The following CCSER1 variants were observed in gnomAD, a reference collection of about 807,000 sequenced individuals.
CCSER1 encodes the protein serine-rich coiled-coil domain-containing protein 1.
In CCSER1, 41 loss-of-function variants were observed where a neutral mutation model predicts 82.0. That is an observed-to-expected ratio of 0.50 (90% confidence interval 0.39 to 0.65). CCSER1 has a LOEUF of 0.65. CCSER1 is among the 30% of genes least tolerant of loss of function. CCSER1 has a pLI of 0.00. For missense variants in CCSER1, 1,119 were observed against 1,064.2 expected (o/e 1.05, Z -0.72); for synonymous variants, 414 against 383.9 (o/e 1.08, Z -0.92).
intron 10 of CCSER1, among the ~76,000 whole-genome samples, chr4:91,437,030 T>C (rs561884935): frequency 6.6e-6 from 1 of 152,278 alleles, no homozygotes; most frequent in Admixed American, 6.5e-5. Flanking sequence ...GCCTGCTAAG[T>C]CAGGTGGGTA....
chr4:91,562,289 G>A (rs150143336), intron 10 of CCSER1, among the ~76,000 whole-genome samples: 4 of 151,258 alleles, frequency 2.6e-5, no homozygotes, highest in African/African-American at 2.4e-5. Flanking sequence ...TTTAAAATTG[G>A]ATTATTGTAA....
intron 3 of CCSER1, among the ~76,000 whole-genome samples, chr4:90,315,763 A>G (rs1346573913): frequency 6.6e-6 from 1 of 152,230 alleles, no homozygotes; most frequent in African/African-American, 2.4e-5. Context: ...ATCACCTCCC[A>G]AAGTGCTGGG....
chr4:91,237,784 G>A (rs1739132708), intron 10 of CCSER1, among the ~76,000 whole-genome samples: 1 of 152,128 alleles, frequency 6.6e-6, no homozygotes, highest in Admixed American at 6.6e-5. Context: ...ATTTTAAGTG[G>A]TTCACTGTAA....
intron 9 of CCSER1, among the ~76,000 whole-genome samples, chr4:91,007,019 A>G (rs1447964178): frequency 1.3e-5 from 2 of 152,186 alleles, no homozygotes; most frequent in East Asian, 1.9e-4. Flanking sequence ...GCTTTTCTGC[A>G]TTTTTGAAAT....
chr4:91,129,401 G>A (rs1403412396), intron 10 of CCSER1, among the ~76,000 whole-genome samples: 1 of 151,956 alleles, frequency 6.6e-6, no homozygotes, highest in Non-Finnish European at 1.5e-5. Flanking sequence ...AAGAAGTTGG[G>A]GAAAGAGCTA....
intron 8 of CCSER1, among the ~76,000 whole-genome samples, chr4:90,909,920 T>A (rs1726071800): frequency 6.6e-6 from 1 of 152,186 alleles, no homozygotes; most frequent in African/African-American, 2.4e-5. Context: ...ATTGTATTAG[T>A]TCATTTTCAC....
intron 1 of CCSER1, among the ~76,000 whole-genome samples, chr4:90,288,062 T>C (rs1233144792): frequency 6.6e-6 from 1 of 151,930 alleles, no homozygotes; most frequent in African/African-American, 2.4e-5. Flanking sequence ...ATTACCAAGT[T>C]TGTTATCTTG....
chr4:91,553,799 A>C (rs575332551), intron 10 of CCSER1, among the ~76,000 whole-genome samples: 1 of 150,750 alleles, frequency 6.6e-6, no homozygotes, highest in Non-Finnish European at 1.5e-5. Flanking sequence ...TTATTGATTT[A>C]TATATCCACT....
chr4:90,645,320 G>A (rs538694053), intron 6 of CCSER1, among the ~76,000 whole-genome samples: 1 of 152,186 alleles, frequency 6.6e-6, no homozygotes, highest in South Asian at 2.1e-4. Flanking sequence ...AAAAATGTTC[G>A]ATGAAACAGA....
chr4:90,975,804 G>A (rs72884708), intron 9 of CCSER1, among the ~76,000 whole-genome samples: 1 of 150,998 alleles, frequency 6.6e-6, no homozygotes, highest in Admixed American at 6.6e-5. Context: ...ATGTATATTT[G>A]TAACAATATT....
At chr4:90,369,333 AG>A (rs1355910144) in intron 3 of CCSER1, among the ~76,000 whole-genome samples, 6 of 125,200 alleles carry the variant, frequency 4.8e-5, no homozygotes, top group Admixed American at 4.7e-4. Flanking sequence ...GGAGGAAGAA[AG>A]AAGAAGAAGA....
intron 6 of CCSER1, among the ~76,000 whole-genome samples, chr4:90,639,976 C>G (rs1004435129): frequency 6.6e-6 from 1 of 151,962 alleles, no homozygotes; most frequent in Admixed American, 6.6e-5. Context: ...ATTGGAAAAT[C>G]AAGAGAAAGA....
intron 10 of CCSER1, among the ~76,000 whole-genome samples, chr4:91,388,517 A>G (rs192442812): frequency 1.1e-3 from 174 of 152,204 alleles, no homozygotes; most frequent in African/African-American, 4.0e-3. Context: ...TTACATTCCC[A>G]TCACCAATGA....
intron 10 of CCSER1, among the ~76,000 whole-genome samples, chr4:91,461,803 A>G (rs1468426634): frequency 6.6e-6 from 1 of 152,180 alleles, no homozygotes; most frequent in Non-Finnish European, 1.5e-5. Flanking sequence ...TTTTTGTACA[A>G]ATGATTAAGA....
chr4:90,417,714 G>C (rs561767735), intron 4 of CCSER1, among the ~76,000 whole-genome samples: 1 of 152,182 alleles, frequency 6.6e-6, no homozygotes, highest in African/African-American at 2.4e-5. Flanking sequence ...TGATGAACAA[G>C]CAATATAAAA....
At chr4:90,216,907 G>A (rs116830477) in intron 1 of CCSER1, among the ~76,000 whole-genome samples, 1,778 of 152,152 alleles carry the variant, frequency 0.012, 22 homozygotes, top group African/African-American at 0.034. Context: ...TGATTCTTCC[G>A]ACCCTTGAAC....
chr4:91,176,544 A>T (rs551100151), intron 10 of CCSER1, among the ~76,000 whole-genome samples: 59 of 152,256 alleles, frequency 3.9e-4, no homozygotes, highest in African/African-American at 1.4e-3. Context: ...CATCCCTTGT[A>T]AGTTGGATTC....
intron 1 of CCSER1, among the ~76,000 whole-genome samples, chr4:90,245,937 G>A (rs1560870011): frequency 6.6e-6 from 1 of 152,102 alleles, no homozygotes; most frequent in Non-Finnish European, 1.5e-5. Context: ...TTTCTCCTTA[G>A]GGAATAACTA....
At chr4:91,515,776 A>G (rs1386581849) in intron 10 of CCSER1, among the ~76,000 whole-genome samples, 1 of 151,970 alleles carries the variant, frequency 6.6e-6, no homozygotes, top group Non-Finnish European at 1.5e-5. Flanking sequence ...AGGAATCACC[A>G]CATTGCCTTC....
Sources: gnomAD v4.1 joint callset for allele counts (sites outside exome capture counted in the v4.1 genomes callset) on GRCh38, gnomAD v4.1.1 for gene constraint, MANE v1.5 for transcripts, NCBI Gene and HGNC (gene_info 2026-07-23, HGNC 2026-07-21) for gene names.